CERS3: variants seen among roughly 807,000 people sequenced by gnomAD.
CERS3 encodes LAG1 homolog, ceramide synthase 3.
A neutral mutation model predicts 50.3 loss-of-function variants in CERS3; 33 were observed. The observed-to-expected ratio is 0.66, with a 90% CI of 0.50 to 0.88. CERS3 has a LOEUF of 0.88. CERS3 is among the 40% of genes least tolerant of loss of function. CERS3 has a pLI of 0.00. For synonymous variants in CERS3, 176 were observed against 155.2 expected (o/e 1.13, Z -0.99); for missense variants, 470 against 460.3 (o/e 1.02, Z -0.19).
intron 10 of CERS3, among the ~76,000 whole-genome samples, chr15:100,457,611 A>C (rs2034418900): frequency 6.6e-6 from 1 of 152,242 alleles, no homozygotes; most frequent in African/African-American, 2.4e-5. Context: ...GACATTTATG[A>C]ATAGAACTGC....
At chr15:100,513,169 T>G (rs949102845) in intron 2 of CERS3, among the ~76,000 whole-genome samples, 4 of 152,200 alleles carry the variant, frequency 2.6e-5, no homozygotes, top group African/African-American at 9.7e-5. Flanking sequence ...CACAATATAC[T>G]GTGATCTAGG....
At position 100,522,629 on chromosome 15, in the gene CERS3, T is replaced by C. The variant is rs562359667; in HGVS notation, c.-91-873A>G. ...TGAGATGCATCTATGTTGTTGCATGTAACAGTAGCAAACTCATTTTCGTTG... is the reference window on the plus strand; with the variant it reads ...TGAGATGCATCTATGTTGTTGCATGCAACAGTAGCAAACTCATTTTCGTTG... On this transcript the variant is annotated intron_variant, in intron 1 of 11. Coordinates refer to ENST00000679737, the MANE Select transcript of CERS3 (RefSeq NM_001378789.1). Among the ~76,000 whole-genome samples the C allele has an allele frequency of 2.6e-5, 4 of 152,350 alleles. No homozygotes were observed. The South Asian group carries it at 8.3e-4, about 32-fold the overall frequency.
intron 1 of CERS3, among the ~76,000 whole-genome samples, chr15:100,528,467 C>T (rs1167211110): frequency 1.3e-5 from 2 of 152,150 alleles, no homozygotes; most frequent in African/African-American, 4.8e-5. Context: ...TTTCACTGCC[C>T]AGACCTTTCT....
At chr15:100,540,944 T>G (rs1031640161) in intron 1 of CERS3, among the ~76,000 whole-genome samples, 1 of 152,226 alleles carries the variant, frequency 6.6e-6, no homozygotes, top group African/African-American at 2.4e-5. Flanking sequence ...GGTGTTTTCA[T>G]GTATTCAACA....
intron 2 of CERS3, among the ~76,000 whole-genome samples, chr15:100,504,338 G>A (rs2036108979): frequency 6.7e-6 from 1 of 150,048 alleles, no homozygotes; most frequent in Non-Finnish European, 1.5e-5. Flanking sequence ...CTGCCTTCTG[G>A]GTTCAAGCAA....
chr15:100,443,825 T>G (rs1316536147), intron 11 of CERS3, among the ~76,000 whole-genome samples: 2 of 152,208 alleles, frequency 1.3e-5, no homozygotes, highest in Non-Finnish European at 2.9e-5. Flanking sequence ...CTTTCCTTCC[T>G]AGGCACGGTT....
intron 4 of CERS3, among the ~76,000 whole-genome samples, chr15:100,487,005 G>A (rs2035506168): frequency 6.6e-6 from 1 of 152,056 alleles, no homozygotes; most frequent in Admixed American, 6.5e-5. Flanking sequence ...GAGTACAGAA[G>A]AATCTAGTTG....
At chr15:100,502,369 C>A in intron 2 of CERS3, among the ~76,000 whole-genome samples, 1 of 151,068 alleles carries the variant, frequency 6.6e-6, no homozygotes, top group Non-Finnish European at 1.5e-5. Context: ...CTCTTCCATA[C>A]CCTCAGGACA....
intron 11 of CERS3, among the ~76,000 whole-genome samples, chr15:100,415,691 C>G (rs143633157): frequency 2.4e-4 from 37 of 152,160 alleles, no homozygotes; most frequent in Admixed American, 2.2e-3. Context: ...AACACAGGAA[C>G]AGAAAACCAA....
In CERS3 at chr15:100,490,809, G is replaced by A. The variant is rs188870558; in HGVS notation, c.288+8C>T. On this transcript the variant is annotated splice_region_variant and intron_variant, in intron 4 of 11. Transcript: ENST00000679737. ...TTTTAAGTCGAAAAGCAAAGAATTT[G>A]TACTTACTTGCAATGGTTGCCTTGT... is the stretch of plus-strand genomic sequence containing the variant. 38 of 1,531,028 alleles carry A rather than the reference G, an allele frequency of 2.5e-5. No individual in the cohort carries two copies. Among genetic ancestry groups the A allele is most frequent in the Non-Finnish European group, 3.1e-5 (34 of 1,105,320 alleles). 94.8% of individuals were successfully genotyped at this position (1,531,028 alleles called of 1,614,324 possible).
intron 11 of CERS3, among the ~76,000 whole-genome samples, chr15:100,447,219 C>T (rs1018719205): frequency 1.3e-5 from 2 of 152,148 alleles, no homozygotes; most frequent in African/African-American, 4.8e-5. Context: ...CATAATAAAA[C>T]CTTGGTCTCC....
intron 11 of CERS3, among the ~76,000 whole-genome samples, chr15:100,403,147 A>T (rs1396516507): frequency 6.6e-6 from 1 of 152,228 alleles, no homozygotes; most frequent in Non-Finnish European, 1.5e-5. Context: ...AGTAAATAAG[A>T]TCCTTCTAAA....
At chr15:100,444,681 T>C (rs1046590721) in intron 11 of CERS3, among the ~76,000 whole-genome samples, 1 of 152,206 alleles carries the variant, frequency 6.6e-6, no homozygotes, top group Non-Finnish European at 1.5e-5. Flanking sequence ...CTCCCTTCCC[T>C]ACACATCAAG....
At chr15:100,443,204 C>T (rs913318740) in intron 11 of CERS3, among the ~76,000 whole-genome samples, 1 of 150,940 alleles carries the variant, frequency 6.6e-6, no homozygotes, top group Admixed American at 6.8e-5. Context: ...TACCTCTACT[C>T]CCTCCTTGGT....
chr15:100,525,338 A>C (rs1161879804), intron 1 of CERS3, among the ~76,000 whole-genome samples: 1 of 152,242 alleles, frequency 6.6e-6, no homozygotes, highest in Non-Finnish European at 1.5e-5. Flanking sequence ...AGGCCAAAAA[A>C]ATAAATAACC....
At chr15:100,425,303 C>T (rs945285966) in intron 11 of CERS3, among the ~76,000 whole-genome samples, 16 of 152,308 alleles carry the variant, frequency 1.1e-4, no homozygotes, top group African/African-American at 1.7e-4. Flanking sequence ...ACTATGCACC[C>T]GGAAAAGCCA....
intron 10 of CERS3, among the ~76,000 whole-genome samples, chr15:100,461,843 G>T (rs2034561069): frequency 6.6e-6 from 1 of 152,164 alleles, no homozygotes; most frequent in Non-Finnish European, 1.5e-5. Context: ...CAAAGAAGTG[G>T]AACAGGAGTC....
chr15:100,445,425 A>G (rs962784458), intron 11 of CERS3, among the ~76,000 whole-genome samples: 53 of 152,228 alleles, frequency 3.5e-4, no homozygotes, highest in Non-Finnish European at 7.2e-4. Context: ...GGGCAAGGCT[A>G]TGCTGCACCT....
intron 1 of CERS3, among the ~76,000 whole-genome samples, chr15:100,543,347 T>C (rs971869773): frequency 6.6e-6 from 1 of 152,208 alleles, no homozygotes; most frequent in Non-Finnish European, 1.5e-5. Context: ...TTACCATCTC[T>C]ACACTCCACA....
Sources: gnomAD v4.1 joint callset for allele counts (sites outside exome capture counted in the v4.1 genomes callset) on GRCh38, gnomAD v4.1.1 for gene constraint, MANE v1.5 for transcripts, NCBI Gene and HGNC (gene_info 2026-07-23, HGNC 2026-07-21) for gene names.